Variants in CFAP299 observed in about 807,000 individuals in gnomAD.
CFAP299 encodes cilia and flagella associated protein 299, also known as cilia- and flagella-associated protein 299.
A neutral mutation model predicts 27.0 loss-of-function variants in CFAP299; 21 were observed. The ratio of observed to expected loss-of-function variants is 0.78; its 90% CI spans 0.55 to 1.12. CFAP299 has a LOEUF of 1.12. Ranked by LOEUF, CFAP299 falls within the 50% of genes most tolerant of loss-of-function variation. The probability of loss-of-function intolerance (pLI) is 0.00; values close to 1 mark genes in which losing one functional copy is unlikely to be tolerated. For synonymous variants in CFAP299, 104 were observed against 98.1 expected (o/e 1.06, Z -0.36); for missense variants, 310 against 276.6 (o/e 1.12, Z -0.86).
chr4:80,628,128 A>G (rs780166477), intron 3 of CFAP299, among the ~76,000 whole-genome samples: 1 of 152,158 alleles, frequency 6.6e-6, no homozygotes, highest in African/African-American at 2.4e-5. Flanking sequence ...TACTGGCATA[A>G]AAATAGACAC....
At chr4:80,652,408 C>T (rs572575260) in intron 3 of CFAP299, among the ~76,000 whole-genome samples, 1 of 151,988 alleles carries the variant, frequency 6.6e-6, no homozygotes, top group Admixed American at 6.6e-5. Flanking sequence ...CTTCAGTTAC[C>T]TCTGGGAAAG....
intron 4 of CFAP299, among the ~76,000 whole-genome samples, chr4:80,942,823 A>T: frequency 6.6e-6 from 1 of 152,248 alleles, no homozygotes. Context: ...GTTGAAAATC[A>T]CACCCATATT....
intron 3 of CFAP299, among the ~76,000 whole-genome samples, chr4:80,719,397 G>C (rs890397437): frequency 1.3e-5 from 2 of 152,020 alleles, no homozygotes; most frequent in Non-Finnish European, 2.9e-5. Context: ...GTTTCTCTTG[G>C]GTCTTAGGGT....
intron 3 of CFAP299, among the ~76,000 whole-genome samples, chr4:80,705,106 C>T (rs749275391): frequency 6.6e-5 from 10 of 151,712 alleles, no homozygotes; most frequent in African/African-American, 1.2e-4. Context: ...GAGAAAAACA[C>T]GACCTTCTCT....
intron 3 of CFAP299, among the ~76,000 whole-genome samples, chr4:80,609,852 A>G (rs1737876676): frequency 6.6e-6 from 1 of 152,020 alleles, no homozygotes; most frequent in Non-Finnish European, 1.5e-5. Context: ...GTCCAGGAAA[A>G]TAATAATTGT....
rs563618817 is a variant in CFAP299 at position 80,772,725 on chromosome 4, C to T, written c.334-97268C>T. Among the ~76,000 whole-genome samples the T allele has an allele frequency of 5.9e-4, 89 of 151,868 alleles. 1 individual carries two copies. The highest frequency in any genetic ancestry group is 1.1e-3 in the Non-Finnish European group (73 of 68,006). ...CTTTCCCTCCTCTTGCCCTCCGCCT[C>T]CCAAAAGGCCCCGGAGTGTGTTATT... On this transcript the variant is annotated intron_variant, in intron 3 of 5. Transcript: ENST00000358105.
At chr4:80,737,662 T>G (rs1161704343) in intron 3 of CFAP299, among the ~76,000 whole-genome samples, 1 of 152,134 alleles carries the variant, frequency 6.6e-6, no homozygotes, top group Non-Finnish European at 1.5e-5. Context: ...CTTAGTATCC[T>G]CTGTCTTTTT....
At chr4:80,516,987 C>G (rs1732621029) in intron 2 of CFAP299, among the ~76,000 whole-genome samples, 3 of 152,076 alleles carry the variant, frequency 2.0e-5, no homozygotes, top group Admixed American at 2.0e-4. Context: ...TCTTCAGTGC[C>G]TAGTTCAGGG....
chr4:80,425,583 CT>C (rs1458053465), intron 2 of CFAP299, among the ~76,000 whole-genome samples: 9 of 152,140 alleles, frequency 5.9e-5, no homozygotes, highest in Admixed American at 5.9e-4. Flanking sequence ...ATCCCTAGGT[CT>C]TTTCACTTAG....
intron 2 of CFAP299, among the ~76,000 whole-genome samples, chr4:80,569,818 ATAAG>A (rs1735495811): frequency 6.6e-6 from 1 of 152,034 alleles, no homozygotes. Flanking sequence ...AAAATCATAA[ATAAG>A]TAGTGAGACA....
intron 3 of CFAP299, among the ~76,000 whole-genome samples, chr4:80,744,042 T>C (rs1459906755): frequency 1.3e-5 from 2 of 152,206 alleles, no homozygotes; most frequent in African/African-American, 2.4e-5. Context: ...CTGTAAACTA[T>C]AGATTAGATT....
chr4:80,767,183 C>T (rs1725920259), intron 3 of CFAP299, among the ~76,000 whole-genome samples: 1 of 151,680 alleles, frequency 6.6e-6, no homozygotes, highest in South Asian at 2.1e-4. Context: ...ATGTGTATTC[C>T]TATATATATA....
chr4:80,684,242 C>A (rs1720026930), intron 3 of CFAP299, among the ~76,000 whole-genome samples: 1 of 149,168 alleles, frequency 6.7e-6, no homozygotes, highest in Non-Finnish European at 1.5e-5. Flanking sequence ...GTTTTTATTT[C>A]TGTTATTAAC....
chr4:80,753,858 T>C (rs1725077513), intron 3 of CFAP299, among the ~76,000 whole-genome samples: 10 of 152,180 alleles, frequency 6.6e-5, no homozygotes, highest in Admixed American at 5.9e-4. Flanking sequence ...ATATTTCTTA[T>C]GGTTTCCTTC....
chr4:80,555,342 G>A (rs1391247501), intron 2 of CFAP299, among the ~76,000 whole-genome samples: 1 of 152,138 alleles, frequency 6.6e-6, no homozygotes, highest in East Asian at 1.9e-4. Flanking sequence ...TTCCAGGAAT[G>A]AAGCCTACTT....
chr4:80,355,294 T>C (rs373894660), intron 1 of CFAP299, among the ~76,000 whole-genome samples: 70 of 152,232 alleles, frequency 4.6e-4, no homozygotes, highest in South Asian at 1.7e-3. Context: ...TGTTGAACTT[T>C]TTAAAATGTG....
intron 4 of CFAP299, among the ~76,000 whole-genome samples, chr4:80,875,761 C>T (rs1172772159): frequency 6.6e-6 from 1 of 151,808 alleles, no homozygotes. Context: ...TAGATTAACA[C>T]AGACTTCACT....
intron 3 of CFAP299, among the ~76,000 whole-genome samples, chr4:80,799,488 A>G (rs1354050399): frequency 3.7e-5 from 3 of 82,082 alleles, no homozygotes; most frequent in African/African-American, 5.0e-5. Context: ...TTTATTAAAT[A>G]TATATAATAT....
At chr4:80,691,850 A>G (rs1185508682) in intron 3 of CFAP299, among the ~76,000 whole-genome samples, 1 of 152,230 alleles carries the variant, frequency 6.6e-6, no homozygotes, top group Non-Finnish European at 1.5e-5. Context: ...GCAAAGTCTC[A>G]GGATACAAAA....
Sources: allele counts gnomAD v4.1 joint callset (sites outside exome capture counted in the v4.1 genomes callset), GRCh38; gene constraint gnomAD v4.1.1; transcripts MANE v1.5; gene names NCBI Gene and HGNC (gene_info 2026-07-23, HGNC 2026-07-21).